CUBN: variants seen among roughly 807,000 people sequenced by gnomAD.
The protein encoded by CUBN is 460 kDa receptor.
Under a neutral mutation model 405.3 loss-of-function variants are expected in CUBN, and 282 were observed. The observed-to-expected ratio is 0.70, with a 90% CI of 0.63 to 0.77. CUBN has a LOEUF of 0.77. Among genes scored for constraint, CUBN ranks in the 30% least tolerant of loss-of-function variants. The pLI is 0.00. For missense variants in CUBN, 4,514 were observed against 4,475.2 expected (o/e 1.01, Z -0.25); for synonymous variants, 1,684 against 1,617.0 (o/e 1.04, Z -0.99).
At chr10:17,033,167 C>T (rs1175895326) in intron 27 of CUBN, among the ~76,000 whole-genome samples, 1 of 152,284 alleles carries the variant, frequency 6.6e-6, no homozygotes, top group South Asian at 2.1e-4. Flanking sequence ...TCTTAATGTG[C>T]CCACCCTGCT....
At chr10:16,955,485 G>T (rs1412170766) in intron 31 of CUBN, among the ~76,000 whole-genome samples, 1 of 151,740 alleles carries the variant, frequency 6.6e-6, no homozygotes, top group Non-Finnish European at 1.5e-5. Flanking sequence ...GACCCTCCAG[G>T]CATGTAATGA....
intron 22 of CUBN, 76 bp downstream of exon 22, chr10:17,065,432 T>C: frequency 1.3e-6 from 2 of 1,578,696 alleles, no homozygotes; most frequent in Non-Finnish European, 1.7e-6. Flanking sequence ...GATGATGTAT[T>C]CTCATTGTGT....
Position 16,918,707 on chromosome 10 carries a change from C to A in CUBN, c.6915G>T (p.Gln2305His). The A allele has an allele frequency of 6.2e-7, 1 of 1,614,004 alleles. No homozygotes were observed. Among genetic ancestry groups the A allele is most frequent in the South Asian group, 1.1e-5 (1 of 91,074 alleles). The change falls in exon 45 of 67, where the codon CAG becomes CAT. Residue 2305 changes from glutamine (Q) to histidine (H), a missense_variant. Gln to His is a conservative substitution (Grantham distance 24). Transcript: ENST00000377833. ...AATACATAACCTCTCCTGAGGACCA[C>A]TGACTGCTGGGCAAAGATGTCCCAC... ...KFCGTSLPSS[Q>H]WSSGEVMYLR... is the part of the protein sequence containing the mutation.
At chr10:16,851,628 C>T (rs756967852) in intron 59 of CUBN, among the ~76,000 whole-genome samples, 185 bp from the exon 60 acceptor site, 1 of 147,042 alleles carries the variant, frequency 6.8e-6, no homozygotes, top group Admixed American at 6.8e-5. Context: ...TCCTTCCCCC[C>T]ACCCGCCCCA....
intron 48 of CUBN, among the ~76,000 whole-genome samples, chr10:16,909,288 C>T (rs1182587477): frequency 6.6e-6 from 1 of 152,172 alleles, no homozygotes; most frequent in Non-Finnish European, 1.5e-5. Context: ...GAAGAGTTTG[C>T]TATCATTTAC....
At position 17,071,405 on chromosome 10, in the gene CUBN, CA is replaced by C; in HGVS notation, c.2625+20del. 6.2e-7 allele frequency: 1 copy of C among 1,611,878 alleles called. No homozygotes were observed. Among genetic ancestry groups the C allele is most frequent in the Non-Finnish European group, 8.5e-7 (1 of 1,178,322 alleles). On this transcript the variant is annotated intron_variant, in intron 19 of 66. Coordinates refer to ENST00000377833, the MANE Select transcript of CUBN (RefSeq NM_001081.4). The stretch of plus-strand genomic sequence containing the variant: ...TATAATATACAACCAAATACAAATT[CA>C]AAGATTTTTTCCCTCTTACCTCAAC...
intron 66 of CUBN, among the ~76,000 whole-genome samples, chr10:16,825,674 T>TGTGTGTGTGTGTGTGTGTG (rs58497178): frequency 7.5e-6 from 1 of 133,992 alleles, no homozygotes. Context: ...TGTGTGTGTG[T>TGTGTGTGTGTGTGTGTGTG]TGGGGGGATA....
chr10:17,023,139 G>T (rs1039065178), intron 27 of CUBN, among the ~76,000 whole-genome samples: 19 of 151,914 alleles, frequency 1.3e-4, no homozygotes, highest in African/African-American at 4.6e-4. Context: ...CGCATTGAAG[G>T]AGACCCCTGG....
chr10:16,840,427 G>C lies in CUBN; in HGVS notation c.9935C>G (p.Ser3312Cys). ...TATCTTGACCTGCTGATGCGGAGGG[G>C]AATCAATGACCCAAGTACAGATGGA... ...PFSICTWVIDSPPHQQVKITV... is the reference protein window; with the variant it reads ...PFSICTWVIDCPPHQQVKITV... The change falls in exon 62 of 67, where the codon TCC (serine) becomes TGC (cysteine). Residue 3312 changes from serine (S) to cysteine (C), a missense_variant. Ser to Cys is a moderately radical substitution (Grantham distance 112). Coordinates refer to ENST00000377833, the MANE Select transcript of CUBN (RefSeq NM_001081.4). 1 of 1,614,074 alleles carries C rather than the reference G, an allele frequency of 6.2e-7. No homozygotes were observed. The highest frequency in any genetic ancestry group is 8.5e-7 in the Non-Finnish European group (1 of 1,179,978).
intron 22 of CUBN, among the ~76,000 whole-genome samples, chr10:17,048,129 C>T (rs185865539): frequency 1.2e-4 from 19 of 152,264 alleles, no homozygotes; most frequent in Non-Finnish European, 8.8e-5. Flanking sequence ...AGTTACTGTA[C>T]TTCTCTAAGC....
chr10:16,980,106 G>T lies in CUBN; in HGVS notation c.4695+2378C>A, dbSNP rs186792652. Among the ~76,000 whole-genome samples the T allele has an allele frequency of 4.4e-3, 666 of 152,228 alleles. 3 individuals are homozygous for T. The highest frequency in any genetic ancestry group is 9.5e-3 in the South Asian group (46 of 4,818). ...ATGAAAAAAAAAGTTCACCATCACT[G>T]GTCCTTAGAGAAATGTAAATCAAAA... On this transcript the variant is annotated intron_variant, in intron 31 of 66. Transcript: ENST00000377833.
At chr10:16,930,412 A>G (rs552361811) in intron 40 of CUBN, among the ~76,000 whole-genome samples, 4 of 152,326 alleles carry the variant, frequency 2.6e-5, no homozygotes, top group Non-Finnish European at 4.4e-5. Flanking sequence ...ATGCAAGGGC[A>G]TAGAGATAGA....
At chr10:16,980,679 C>CTGTCGAGG (rs1430606961) in intron 31 of CUBN, among the ~76,000 whole-genome samples, 6 of 151,880 alleles carry the variant, frequency 4.0e-5, no homozygotes, top group African/African-American at 1.5e-4. Context: ...CATCACACAC[C>CTGTCGAGG]GGTGCCTGTC....
chr10:17,016,067 T>C (rs995203244), intron 28 of CUBN, among the ~76,000 whole-genome samples: 6 of 152,194 alleles, frequency 3.9e-5, no homozygotes, highest in Non-Finnish European at 7.3e-5. Flanking sequence ...TCTCCTGATA[T>C]CTGCAGCTGA....
intron 8 of CUBN, 152 bp downstream of exon 8, chr10:17,113,875 G>T: frequency 1.3e-6 from 1 of 786,106 alleles, no homozygotes; most frequent in Non-Finnish European, 2.2e-6. Context: ...AATTGTGATA[G>T]CAGTGAGATC....
At chr10:16,831,230 G>A (rs1425143894) in intron 65 of CUBN, 22 bp downstream of exon 65, 1 of 1,612,050 alleles carries the variant, frequency 6.2e-7, no homozygotes, top group Admixed American at 1.7e-5. Context: ...GTGCTTTCCT[G>A]TACAAAGTGC....
Position 17,085,691 on chromosome 10 carries a change from C to T in CUBN, c.2016G>A (p.Pro672=), listed in dbSNP as rs148107237. 1.7e-4 allele frequency: 276 copies of T among 1,613,808 alleles called. 3 individuals carry two copies. The East Asian group carries it at 3.6e-3, about 21-fold the overall frequency. The part of the protein sequence containing the change: ...GKFCTTFSVP[P]LQTTGPFARI... Reference sequence around the variant, plus strand: ...TGGCAAAGGGGCCAGTAGTCTGGAGCGGTGGGACAGAGAAAGTGGTGCAGA... The same window carrying T: ...TGGCAAAGGGGCCAGTAGTCTGGAGTGGTGGGACAGAGAAAGTGGTGCAGA... Residue 672 remains proline, a synonymous_variant, in exon 16 of 67, where the codon CCG becomes CCA. Transcript: ENST00000377833.
chr10:17,068,058 C>G lies in CUBN; in HGVS notation c.3008+6G>C, dbSNP rs1835652019. Reference sequence around the variant, plus strand: ...TTGTTAAACAAACAAACAAACATAACCTTACCTTCCAAGGGATGTCTCAGA... The same window carrying G: ...TTGTTAAACAAACAAACAAACATAAGCTTACCTTCCAAGGGATGTCTCAGA... On this transcript the variant is annotated splice_donor_region_variant and intron_variant, in intron 21 of 66. Transcript: ENST00000377833. The G allele has an allele frequency of 6.2e-7, 1 of 1,603,818 alleles. No homozygotes were observed. Among genetic ancestry groups the G allele is most frequent in the African/African-American group, 1.3e-5 (1 of 74,638 alleles).
intron 40 of CUBN, among the ~76,000 whole-genome samples, chr10:16,930,653 C>G (rs535944325): frequency 9.5e-4 from 145 of 152,222 alleles, no homozygotes; most frequent in African/African-American, 3.3e-3. Context: ...TGGGTAGATG[C>G]GTGGTCTGGA....
Sources: gnomAD v4.1 joint callset for allele counts (sites outside exome capture counted in the v4.1 genomes callset) on GRCh38, gnomAD v4.1.1 for gene constraint, MANE v1.5 for transcripts, NCBI Gene and HGNC (gene_info 2026-07-23, HGNC 2026-07-21) for gene names.